EYS: variants seen among roughly 807,000 people sequenced by gnomAD.
EYS encodes EGF-like photoreceptor maintenance factor, also known as protein eyes shut homolog.
A neutral mutation model predicts 282.1 loss-of-function variants in EYS; 250 were observed. The observed-to-expected ratio is 0.89, with a 90% CI of 0.80 to 0.98. EYS has a LOEUF of 0.98. Ranked by LOEUF, EYS falls within the 50% of genes least tolerant of loss-of-function variation. The pLI is 0.00. For missense variants in EYS, 4,016 were observed against 3,709.0 expected (o/e 1.08, Z -2.15); for synonymous variants, 1,355 against 1,282.9 (o/e 1.06, Z -1.20).
At chr6:64,550,135 A>C (rs1291091502) in intron 26 of EYS, among the ~76,000 whole-genome samples, 7 of 152,300 alleles carry the variant, frequency 4.6e-5, no homozygotes, top group Non-Finnish European at 7.3e-5. Flanking sequence ...CGAGTCTATC[A>C]TTGTTAGACA....
intron 36 of EYS, among the ~76,000 whole-genome samples, chr6:63,832,495 A>G (rs930896336): frequency 6.6e-6 from 1 of 152,206 alleles, no homozygotes; most frequent in Non-Finnish European, 1.5e-5. Context: ...GGACACATAT[A>G]CCCTCCCAAC....
intron 22 of EYS, among the ~76,000 whole-genome samples, chr6:64,768,597 A>T (rs1773425457): frequency 6.6e-6 from 1 of 152,190 alleles, no homozygotes; most frequent in South Asian, 2.1e-4. Context: ...GTCATATCAG[A>T]AAGTTTTATT....
At chr6:65,460,071 G>GTA (rs1250776236) in intron 5 of EYS, among the ~76,000 whole-genome samples, 8 of 96,554 alleles carry the variant, frequency 8.3e-5, no homozygotes, top group African/African-American at 2.4e-4. Context: ...ATGTATATAT[G>GTA]TATACACACA....
At chr6:65,336,669 G>A in intron 10 of EYS, among the ~76,000 whole-genome samples, 1 of 151,478 alleles carries the variant, frequency 6.6e-6, no homozygotes, top group East Asian at 1.9e-4. Flanking sequence ...TGAACTGATA[G>A]TAAAGCTTTA....
chr6:64,125,502 C>A (rs1216092528), intron 31 of EYS, among the ~76,000 whole-genome samples: 1 of 151,792 alleles, frequency 6.6e-6, no homozygotes, highest in Non-Finnish European at 1.5e-5. Context: ...AACTGTCGGC[C>A]GGGCGCGGTG....
chr6:64,254,677 G>T (rs988117009), intron 30 of EYS, among the ~76,000 whole-genome samples: 1 of 151,946 alleles, frequency 6.6e-6, no homozygotes, highest in African/African-American at 2.4e-5. Context: ...CTCACCTGGG[G>T]TTTCTGTACT....
At chr6:65,172,765 G>A (rs1477557632) in intron 12 of EYS, among the ~76,000 whole-genome samples, 1 of 151,050 alleles carries the variant, frequency 6.6e-6, no homozygotes, top group East Asian at 2.0e-4. Context: ...GGTCTTGAGA[G>A]GTCTATATTA....
intron 28 of EYS, among the ~76,000 whole-genome samples, chr6:64,425,959 G>T (rs1252231916): frequency 6.6e-6 from 1 of 151,994 alleles, no homozygotes; most frequent in Non-Finnish European, 1.5e-5. Flanking sequence ...TTAAATTTAA[G>T]ATACAGATGA....
intron 13 of EYS, among the ~76,000 whole-genome samples, chr6:65,048,785 C>T (rs768143752): frequency 6.6e-6 from 1 of 151,802 alleles, no homozygotes; most frequent in Non-Finnish European, 1.5e-5. Flanking sequence ...GGAAACTGAA[C>T]ATCATTTTCT....
chr6:64,229,046 G>A (rs1029951812), intron 31 of EYS, among the ~76,000 whole-genome samples: 2 of 152,152 alleles, frequency 1.3e-5, no homozygotes, highest in African/African-American at 4.8e-5. Context: ...GCTGAGGCGG[G>A]TGGATCACCT....
In EYS at chr6:64,292,204, C is replaced by T. The variant is rs1207528048; in HGVS notation, c.6191+14766G>A. ...AAACCAGCAGTTAAGCTCTCTAGTT[C>T]CCATCTGTGTAACACGGCAGAGGCA... On this transcript the variant is annotated intron_variant, in intron 30 of 42. Coordinates refer to ENST00000503581, the MANE Select transcript of EYS (RefSeq NM_001142800.2). Among the ~76,000 whole-genome samples, 6 of 152,210 alleles carry T rather than the reference C, an allele frequency of 3.9e-5. No homozygotes were observed. In the East Asian group the frequency reaches 1.2e-3, roughly 29 times the overall value.
intron 2 of EYS, among the ~76,000 whole-genome samples, chr6:65,609,818 C>G (rs1765928942): frequency 6.6e-6 from 1 of 152,046 alleles, no homozygotes; most frequent in Non-Finnish European, 1.5e-5. Flanking sequence ...TTACATAAAA[C>G]TAAATTGTTA....
chr6:65,374,456 C>T (rs1303008518), intron 8 of EYS, among the ~76,000 whole-genome samples: 1 of 151,426 alleles, frequency 6.6e-6, no homozygotes, highest in Non-Finnish European at 1.5e-5. Flanking sequence ...GGGTTTCAAG[C>T]ACAAAACTGG....
chr6:64,818,808 C>T (rs1026379487), intron 21 of EYS, among the ~76,000 whole-genome samples: 2 of 152,224 alleles, frequency 1.3e-5, no homozygotes, highest in African/African-American at 4.8e-5. Flanking sequence ...GAGAGTGGGT[C>T]TGTCTTTCCC....
chr6:64,324,184 G>A (rs1770323259), intron 29 of EYS, among the ~76,000 whole-genome samples: 1 of 151,972 alleles, frequency 6.6e-6, no homozygotes, highest in South Asian at 2.1e-4. Context: ...GACAAAGAAT[G>A]GAAACTTCAG....
At chr6:64,134,671 C>A (rs1415680113) in intron 31 of EYS, among the ~76,000 whole-genome samples, 1 of 151,896 alleles carries the variant, frequency 6.6e-6, no homozygotes, top group Non-Finnish European at 1.5e-5. Flanking sequence ...AAGTTAAAGA[C>A]AAAAGTAGCA....
At chr6:64,380,146 A>G (rs1409629934) in intron 29 of EYS, among the ~76,000 whole-genome samples, 1 of 152,004 alleles carries the variant, frequency 6.6e-6, no homozygotes, top group Non-Finnish European at 1.5e-5. Context: ...GTTACAGAGC[A>G]TTACATTATA....
chr6:64,856,270 T>C (rs1766055368), intron 19 of EYS, among the ~76,000 whole-genome samples: 1 of 152,024 alleles, frequency 6.6e-6, no homozygotes, highest in Admixed American at 6.6e-5. Context: ...TTCGCCAGCA[T>C]TTGGTATCAT....
chr6:64,388,892 A>T (rs1432626473), intron 28 of EYS, 52 bp from the exon 29 acceptor site: 15 of 1,134,406 alleles, frequency 1.3e-5, no homozygotes, highest in Non-Finnish European at 1.7e-5. Context: ...ATAAACATTT[A>T]TCTGACAAAT....
Sources: gnomAD v4.1 joint callset for allele counts (sites outside exome capture counted in the v4.1 genomes callset) on GRCh38, gnomAD v4.1.1 for gene constraint, MANE v1.5 for transcripts, NCBI Gene and HGNC (gene_info 2026-07-23, HGNC 2026-07-21) for gene names.